DMD: variants seen among roughly 807,000 people sequenced by gnomAD.
The protein encoded by DMD is mutant dystrophin.
Under a neutral mutation model 330.1 loss-of-function variants are expected in DMD, and 63 were observed. The ratio of observed to expected loss-of-function variants is 0.19; its 90% confidence interval spans 0.16 to 0.24. The LOEUF (loss-of-function observed/expected upper bound fraction) is 0.24, where lower values mean the gene tolerates loss of function less well. DMD is among the 10% of genes least tolerant of loss of function. DMD has a pLI of 1.00. For missense variants in DMD, 3,344 were observed against 2,684.1 expected (o/e 1.25, Z -5.43); for synonymous variants, 1,223 against 959.8 (o/e 1.27, Z -5.07).
intron 6 of DMD, among the ~76,000 whole-genome samples, chrX:32,810,180 T>C (rs945685433): frequency 9.0e-6 from 1 of 110,981 alleles, no homozygotes; most frequent in African/African-American, 3.3e-5. Context: ...TTGTCAATTA[T>C]ACAGCAATAA....
At chrX:32,939,882 CACAA>C (rs1192617863) in intron 2 of DMD, among the ~76,000 whole-genome samples, 3 of 111,274 alleles carry the variant, frequency 2.7e-5, no homozygotes, top group African/African-American at 6.5e-5. Flanking sequence ...TCACAGATGA[CACAA>C]ACAAATAGAA....
intron 7 of DMD, among the ~76,000 whole-genome samples, chrX:32,743,342 C>A (rs1440037137): frequency 9.0e-6 from 1 of 111,719 alleles, no homozygotes; most frequent in South Asian, 3.7e-4. Context: ...GACTTTCCTT[C>A]CTTCTTTGTC....
intron 52 of DMD, among the ~76,000 whole-genome samples, chrX:31,715,841 C>G (rs2085004656): frequency 9.0e-6 from 1 of 111,260 alleles, no homozygotes; most frequent in East Asian, 2.8e-4. Flanking sequence ...GTTTGCTTTT[C>G]AAACAAGGCG....
chrX:32,873,458 C>A (rs900479512), intron 2 of DMD, among the ~76,000 whole-genome samples: 5 of 111,055 alleles, frequency 4.5e-5, no homozygotes, highest in African/African-American at 1.6e-4. Context: ...CCTGTTAATT[C>A]TGATCCAAGT....
At chrX:31,177,249 T>C (rs1055507828) in intron 71 of DMD, among the ~76,000 whole-genome samples, 2 of 111,614 alleles carry the variant, frequency 1.8e-5, no homozygotes, top group African/African-American at 6.5e-5. Flanking sequence ...GTATTATTAA[T>C]ACACACCAAT....
intron 44 of DMD, among the ~76,000 whole-genome samples, chrX:32,042,086 CACAT>C (rs1254900662): frequency 7.8e-5 from 7 of 90,197 alleles, no homozygotes; most frequent in African/African-American, 2.8e-4. Context: ...TATACACACA[CACAT>C]ATGTATACAT....
At chrX:31,644,753 T>C (rs2079982209) in intron 54 of DMD, among the ~76,000 whole-genome samples, 1 of 112,101 alleles carries the variant, frequency 8.9e-6, no homozygotes, top group South Asian at 3.7e-4. Context: ...ATTCTGGTTC[T>C]TGCAACTGCA....
At position 31,197,195 on chromosome X, in the gene DMD, A is replaced by C. The variant is rs755363472; in HGVS notation, c.9807+6766T>G. 2.7e-5 allele frequency among the ~76,000 whole-genome samples: 3 copies of C among 111,790 alleles called. No homozygotes were observed. The Admixed American group carries it at 2.9e-4, about 11-fold the overall frequency. ...GGTTAAGAAATGTGTCCACAGTCAC[A>C]CAGCCAGCAAATAGCAGAGCTCAGA... On this transcript the variant is annotated intron_variant, in intron 67 of 78. Coordinates refer to ENST00000357033, the MANE Select transcript of DMD (RefSeq NM_004006.3).
chrX:32,833,036 G>T (rs1441334803), intron 4 of DMD, among the ~76,000 whole-genome samples: 1 of 111,646 alleles, frequency 9.0e-6, no homozygotes, highest in South Asian at 3.6e-4. Flanking sequence ...TACCTTCAAT[G>T]ATTAAGTTTT....
intron 72 of DMD, 50 bp from the exon 73 acceptor site, chrX:31,172,463 C>A: frequency 1.1e-6 from 1 of 898,397 alleles, no homozygotes; most frequent in Non-Finnish European, 1.6e-6. Context: ...GTCTTAGAAT[C>A]TATTCAAGAC....
chrX:31,528,869 G>A (rs1284283486), intron 55 of DMD, among the ~76,000 whole-genome samples: 2 of 111,513 alleles, frequency 1.8e-5, no homozygotes, highest in Non-Finnish European at 3.8e-5. Flanking sequence ...ACTGGCTCAT[G>A]CCTGTAATCC....
intron 44 of DMD, among the ~76,000 whole-genome samples, chrX:31,978,937 CA>C (rs1306005203): frequency 8.9e-6 from 1 of 111,934 alleles, no homozygotes; most frequent in Non-Finnish European, 1.9e-5. Flanking sequence ...CATTTTCAAG[CA>C]AAAGTTATCT....
chrX:31,650,946 G>T (rs745956120), intron 54 of DMD, among the ~76,000 whole-genome samples: 2 of 111,770 alleles, frequency 1.8e-5, no homozygotes, highest in South Asian at 7.5e-4. Flanking sequence ...AGAAAAGTTG[G>T]TTACAATCTC....
chrX:31,863,212 G>C (rs1007942078), intron 48 of DMD, among the ~76,000 whole-genome samples: 7 of 112,089 alleles, frequency 6.2e-5, no homozygotes, highest in African/African-American at 2.3e-4. Context: ...GCGTGGTGGC[G>C]GGCGCCTGTA....
chrX:32,387,471 C>G (rs1158095576), intron 32 of DMD, among the ~76,000 whole-genome samples: 1 of 110,938 alleles, frequency 9.0e-6, no homozygotes, highest in Non-Finnish European at 1.9e-5. Flanking sequence ...AAAAATAAAC[C>G]TGACAGTAGG....
intron 51 of DMD, among the ~76,000 whole-genome samples, chrX:31,751,898 G>C (rs1170703509): frequency 2.7e-5 from 3 of 112,358 alleles, no homozygotes; most frequent in Non-Finnish European, 5.6e-5. Flanking sequence ...TAGAAACAAT[G>C]TGTTGGCAGA....
intron 54 of DMD, among the ~76,000 whole-genome samples, chrX:31,628,915 C>CATATATATATATATATATATAT (rs10524146): frequency 0.011 from 876 of 82,471 alleles, 9 homozygotes; most frequent in Middle Eastern, 0.038. Flanking sequence ...TATTTTTGAT[C>CATATATATATATATATATATAT]ATATATATAT....
chrX:32,580,718 ATTTT>A (rs903540597), intron 13 of DMD, among the ~76,000 whole-genome samples: 1 of 111,260 alleles, frequency 9.0e-6, no homozygotes, highest in Non-Finnish European at 1.9e-5. Flanking sequence ...ATTAATGATA[ATTTT>A]TTTTGCATTT....
At chrX:32,072,387 A>G (rs1204447148) in intron 44 of DMD, among the ~76,000 whole-genome samples, 2 of 110,212 alleles carry the variant, frequency 1.8e-5, no homozygotes, top group Non-Finnish European at 3.8e-5. Flanking sequence ...GTGAACAAAG[A>G]TTTTTTATTT....
Sources: allele counts gnomAD v4.1 joint callset (sites outside exome capture counted in the v4.1 genomes callset), GRCh38; gene constraint gnomAD v4.1.1; transcripts MANE v1.5; gene names NCBI Gene and HGNC (gene_info 2026-07-23, HGNC 2026-07-21).